Variants in PCED1B observed in about 807,000 individuals in gnomAD.
PCED1B encodes PC-esterase domain containing 1B, also known as PC-esterase domain-containing protein 1B.
For synonymous variants in PCED1B, 251 were observed against 246.1 expected (o/e 1.02, Z -0.19); for missense variants, 573 against 573.9 (o/e 1.00, Z 0.02).
chr12:47,173,760 T>C (rs914714191), intron 2 of PCED1B, among the ~76,000 whole-genome samples: 3 of 152,196 alleles, frequency 2.0e-5, no homozygotes, highest in African/African-American at 4.8e-5. Context: ...ATTATCTTCA[T>C]CAATTGTTTA....
chr12:47,171,650 T>C (rs1941739001), intron 2 of PCED1B, among the ~76,000 whole-genome samples: 1 of 152,200 alleles, frequency 6.6e-6, no homozygotes, highest in Non-Finnish European at 1.5e-5. Flanking sequence ...GCCACAAATA[T>C]AGTTTTTCTC....
chr12:47,203,124 C>T (rs1016905667), intron 2 of PCED1B, among the ~76,000 whole-genome samples: 2 of 152,000 alleles, frequency 1.3e-5, no homozygotes, highest in African/African-American at 4.8e-5. Flanking sequence ...CAGCCGCCAC[C>T]ATGCCCGGCT....
chr12:47,182,322 C>T (rs558187863), intron 2 of PCED1B, among the ~76,000 whole-genome samples: 7 of 152,166 alleles, frequency 4.6e-5, no homozygotes, highest in Admixed American at 2.0e-4. Flanking sequence ...TGCCCTGGCA[C>T]GGTTGCTCAG....
chr12:47,167,458 T>C (rs1941580787), intron 2 of PCED1B, among the ~76,000 whole-genome samples: 1 of 152,176 alleles, frequency 6.6e-6, no homozygotes, highest in Non-Finnish European at 1.5e-5. Context: ...CTGTGTCACC[T>C]ACCTGTGATT....
chr12:47,217,516 G>GAAAGACAGA (rs141653515), intron 3 of PCED1B, among the ~76,000 whole-genome samples: 1 of 111,802 alleles, frequency 8.9e-6, no homozygotes. Context: ...AAGAAAGAAA[G>GAAAGACAGA]AAGAAAGAGA....
chr12:47,165,960 A>G (rs1043671444), intron 2 of PCED1B, among the ~76,000 whole-genome samples: 41 of 152,210 alleles, frequency 2.7e-4, no homozygotes, highest in African/African-American at 8.2e-4. Flanking sequence ...TTTAGGCTAC[A>G]TCTGAGAACT....
intron 2 of PCED1B, among the ~76,000 whole-genome samples, chr12:47,175,383 GAATTA>G (rs1431907312): frequency 2.0e-5 from 3 of 152,038 alleles, no homozygotes; most frequent in African/African-American, 7.3e-5. Flanking sequence ...TTATATCCAT[GAATTA>G]AATTAATTCA....
At chr12:47,225,042 C>T (rs1390835975) in intron 3 of PCED1B, among the ~76,000 whole-genome samples, 2 of 152,132 alleles carry the variant, frequency 1.3e-5, no homozygotes, top group Non-Finnish European at 2.9e-5. Flanking sequence ...AATGATTCTC[C>T]TGCCTCAGCC....
intron 2 of PCED1B, among the ~76,000 whole-genome samples, chr12:47,168,394 T>G (rs1941613040): frequency 6.6e-6 from 1 of 152,200 alleles, no homozygotes; most frequent in South Asian, 2.1e-4. Context: ...GTGTCTTATA[T>G]TTGATTGTCT....
At chr12:47,116,678 A>C (rs975702007) in intron 2 of PCED1B, among the ~76,000 whole-genome samples, 1 of 152,200 alleles carries the variant, frequency 6.6e-6, no homozygotes, top group Non-Finnish European at 1.5e-5. Flanking sequence ...TGAAAATGTC[A>C]AAGTTGTGAG....
intron 2 of PCED1B, among the ~76,000 whole-genome samples, chr12:47,147,985 C>T (rs1291258331): frequency 6.6e-6 from 1 of 152,166 alleles, no homozygotes; most frequent in Non-Finnish European, 1.5e-5. Context: ...ATACCACAGG[C>T]CCAGTAATTT....
chr12:47,079,784 G>C (rs1426184661), intron 1 of PCED1B, 59 bp downstream of exon 1: 1 of 150,082 alleles, frequency 6.7e-6, no homozygotes, highest in Non-Finnish European at 1.5e-5. Context: ...CGCTCCCAGA[G>C]CCGGGGCCGC....
At chr12:47,153,131 C>T (rs940501712) in intron 2 of PCED1B, among the ~76,000 whole-genome samples, 6 of 151,780 alleles carry the variant, frequency 4.0e-5, no homozygotes, top group Non-Finnish European at 7.4e-5. Flanking sequence ...GGGCAGATCA[C>T]GAGGTCAGGA....
At chr12:47,111,717 A>G (rs1223125254) in intron 2 of PCED1B, among the ~76,000 whole-genome samples, 2 of 152,184 alleles carry the variant, frequency 1.3e-5, no homozygotes, top group South Asian at 2.1e-4. Flanking sequence ...TTCACTCAGC[A>G]TAATGTCTTC....
chr12:47,163,188 ATTG>A (rs1182992279), intron 2 of PCED1B, among the ~76,000 whole-genome samples: 1 of 152,088 alleles, frequency 6.6e-6, no homozygotes, highest in East Asian at 1.9e-4. Flanking sequence ...ATGCTATGAA[ATTG>A]TTTTTAGAAT....
intron 3 of PCED1B, among the ~76,000 whole-genome samples, chr12:47,234,208 G>C (rs1161552420): frequency 1.3e-5 from 2 of 152,006 alleles, no homozygotes; most frequent in African/African-American, 2.4e-5. Flanking sequence ...GGCTGGTCTC[G>C]GACTCCCGAC....
At chr12:47,085,226 G>C (rs1223023728) in intron 1 of PCED1B, among the ~76,000 whole-genome samples, 1 of 152,170 alleles carries the variant, frequency 6.6e-6, no homozygotes, top group Non-Finnish European at 1.5e-5. Context: ...TATTTCTAAA[G>C]TTCCTTTCAG....
intron 1 of PCED1B, among the ~76,000 whole-genome samples, chr12:47,091,967 C>T (rs1308969710): frequency 6.6e-6 from 1 of 152,056 alleles, no homozygotes; most frequent in Non-Finnish European, 1.5e-5. Flanking sequence ...TTTCTGATAT[C>T]TCACAGTGTA....
chr12:47,116,143 T>A (rs896462770), intron 2 of PCED1B, among the ~76,000 whole-genome samples: 2 of 152,210 alleles, frequency 1.3e-5, no homozygotes, highest in South Asian at 4.1e-4. Context: ...TAAAATGACC[T>A]TTACTATCAA....
Sources: gnomAD v4.1 joint callset for allele counts (sites outside exome capture counted in the v4.1 genomes callset) on GRCh38, gnomAD v4.1.1 for gene constraint, MANE v1.5 for transcripts, NCBI Gene and HGNC (gene_info 2026-07-23, HGNC 2026-07-21) for gene names.